RNF20: variants seen among roughly 807,000 people sequenced by gnomAD.
RNF20 encodes the protein E3 ubiquitin-protein ligase BRE1A.
In RNF20, 84 loss-of-function variants were observed where a neutral mutation model predicts 126.2. The observed-to-expected ratio is 0.67, with a 90% CI of 0.56 to 0.80. RNF20 has a LOEUF of 0.80. RNF20 is among the 30% of genes least tolerant of loss of function. The pLI is 0.00. For missense variants in RNF20, 869 were observed against 1,188.2 expected, an observed-to-expected ratio of 0.73 and a Z score of 3.95; for synonymous variants, 400 against 414.3, an observed-to-expected ratio of 0.97 and a Z score of 0.42.
chr9:101,559,491 A>G (rs1827593262), intron 16 of RNF20, among the ~76,000 whole-genome samples: 1 of 152,146 alleles, frequency 6.6e-6, no homozygotes, highest in East Asian at 1.9e-4. Flanking sequence ...TTTTGGCAGT[A>G]TGGTCATTTT....
At chr9:101,550,876 C>T (rs771080361) in intron 10 of RNF20, 91 bp downstream of exon 10, 3 of 1,138,592 alleles carry the variant, frequency 2.6e-6, no homozygotes, top group Non-Finnish European at 4.0e-6. Flanking sequence ...ATCTCTCATT[C>T]ATTCAGCTGT....
chr9:101,562,176 G>A, intron 19 of RNF20, 70 bp from the exon 20 acceptor site: 2 of 1,502,266 alleles, frequency 1.3e-6, no homozygotes, highest in Non-Finnish European at 1.8e-6. Flanking sequence ...TCTTGGTTGT[G>A]TAGTATATGA....
At chr9:101,550,943 A>C (rs1827435064) in intron 10 of RNF20, among the ~76,000 whole-genome samples, 158 bp downstream of exon 10, 1 of 152,206 alleles carries the variant, frequency 6.6e-6, no homozygotes, top group South Asian at 2.1e-4. Flanking sequence ...TATAAAGATG[A>C]GATGACAAAA....
At chr9:101,552,120 A>G (rs370467164) in intron 11 of RNF20, 21 bp from the exon 12 acceptor site, 7 of 1,613,690 alleles carry the variant, frequency 4.3e-6, no homozygotes, top group Non-Finnish European at 5.1e-6. Flanking sequence ...TCCTCATAAC[A>G]TTGTTGTTCC....
In RNF20 at chr9:101,535,410, C is replaced by G; in HGVS notation, c.-14C>G. The G allele has an allele frequency of 1.2e-6, 2 of 1,610,918 alleles. No homozygotes were observed. Among genetic ancestry groups the G allele is most frequent in the Non-Finnish European group, 1.7e-6 (2 of 1,179,064 alleles). On this transcript the variant is annotated 5_prime_UTR_variant, in exon 2 of 20. Transcript: ENST00000389120. The stretch of plus-strand genomic sequence containing the variant: ...TTTTTTCTATCAGGAAAACGACTGT[C>G]TTCTTCTGCCAAAATGTCAGGAATT...
chr9:101,537,763 G>A (rs1303356384), intron 2 of RNF20, among the ~76,000 whole-genome samples: 1 of 152,194 alleles, frequency 6.6e-6, no homozygotes, highest in Non-Finnish European at 1.5e-5. Context: ...TGCTGCTGAT[G>A]TGTTCTCATT....
intron 8 of RNF20, 31 bp from the exon 9 acceptor site, chr9:101,547,368 A>G (rs750306377): frequency 1.2e-6 from 2 of 1,613,008 alleles, no homozygotes; most frequent in South Asian, 2.2e-5. Flanking sequence ...AAGAATACTT[A>G]TTTATTCTCT....
intron 5 of RNF20, among the ~76,000 whole-genome samples, chr9:101,543,644 T>A (rs1453637689): frequency 1.3e-5 from 2 of 152,238 alleles, no homozygotes; most frequent in East Asian, 3.8e-4. Flanking sequence ...GTACTGTCTG[T>A]TTGTTTGGTC....
chr9:101,556,946 A>G (rs1252112787), intron 15 of RNF20, among the ~76,000 whole-genome samples: 1 of 152,188 alleles, frequency 6.6e-6, no homozygotes, highest in African/African-American at 2.4e-5. Context: ...TGAGATAGAT[A>G]TAAAGTAAAG....
rs1827243624 is a variant in RNF20 at position 101,540,479 on chromosome 9, C to A, written c.298-11C>A. 6.2e-7 allele frequency: 1 copy of A among 1,613,454 alleles called. No homozygotes were observed. Among genetic ancestry groups the A allele is most frequent in the Non-Finnish European group, 8.5e-7 (1 of 1,179,680 alleles). ...CTTTGTTTCTTCATAATTGTACCTA[C>A]CCTTCTCCAGTTTGATGAAAACATC... On this transcript the variant is annotated splice_polypyrimidine_tract_variant and intron_variant, in intron 3 of 19. Transcript: ENST00000389120.
At chr9:101,543,267 A>AC (rs1223323435) in intron 5 of RNF20, among the ~76,000 whole-genome samples, 82 of 151,256 alleles carry the variant, frequency 5.4e-4, no homozygotes, top group Non-Finnish European at 9.2e-4. Context: ...GCACTGTCTA[A>AC]CCTGCCACGG....
chr9:101,543,510 C>G (rs1325589983), intron 5 of RNF20, among the ~76,000 whole-genome samples: 1 of 121,500 alleles, frequency 8.2e-6, no homozygotes, highest in African/African-American at 3.2e-5. Context: ...CTAACCCTGC[C>G]ACTGCAGTAC....
rs1449385760 is a variant in RNF20 at position 101,540,208 on chromosome 9, A to C, written c.135A>C (p.Glu45Asp). 24 of 1,614,052 alleles carry C rather than the reference A, an allele frequency of 1.5e-5. No homozygotes were observed. The highest frequency in any genetic ancestry group is 1.9e-5 in the Non-Finnish European group (22 of 1,179,926). The change falls in exon 3 of 20, where the codon GAA becomes GAC. Residue 45 changes from glutamate to aspartate, a missense_variant. Around this residue, in one of 8 missense-constraint regions of RNF20, gnomAD observed 157 missense variants for 236.0 expected, o/e 0.67. Coordinates refer to ENST00000389120, the MANE Select transcript of RNF20 (RefSeq NM_019592.7). ...ACGATTGGTTTACTGGGCAGGAGGA[A>C]CTAGACATTAGAACACTGCAAACCA... ...IKLGGVSSTE[E>D]LDIRTLQTKN... is the part of the protein sequence containing the mutation.
In RNF20 at chr9:101,552,146, A is replaced by G. The variant is rs1311013015; in HGVS notation, c.1414A>G (p.Ile472Val). The G allele has an allele frequency of 3.1e-6, 5 of 1,614,088 alleles. No homozygotes were observed. The highest frequency in any genetic ancestry group is 2.7e-5 in the African/African-American group (2 of 75,028). The change falls in exon 12 of 20, where the codon ATA (isoleucine) becomes GTA (valine). Residue 472 changes from isoleucine (I) to valine (V), a missense_variant. By Grantham distance (29) the Ile-to-Val change is conservative. Transcript: ENST00000389120. ...TTGTTGTTCCTGTATTTAAGGCCCT[A>G]TAAACAGGGAGATGCGCCACCTCAT... The part of the protein sequence containing the change: ...TLAANEQAGP[I>V]NREMRHLISS...
At position 101,554,742 on chromosome 9, in the gene RNF20, A is replaced by C; in HGVS notation, c.2068A>C (p.Lys690Gln). Residue 690 changes from lysine to glutamine, a missense_variant, in exon 15 of 20, where the codon AAA becomes CAA. This residue lies in a region of RNF20 where 231 missense variants were observed against 263.6 expected (regional missense o/e 0.88). Coordinates refer to ENST00000389120, the MANE Select transcript of RNF20 (RefSeq NM_019592.7). The part of the protein sequence containing the change: ...RLKDLEDKEK[K>Q]ENKKMADEDA... ...CAAGGATCTGGAAGATAAAGAGAAGAAAGAGAACAAGAAAATGGCTGATGA... is the reference window on the plus strand; with the variant it reads ...CAAGGATCTGGAAGATAAAGAGAAGCAAGAGAACAAGAAAATGGCTGATGA... 2.5e-6 allele frequency: 4 copies of C among 1,609,776 alleles called. No individual in the cohort carries two copies. The highest frequency in any genetic ancestry group is 2.5e-6 in the Non-Finnish European group (3 of 1,177,246).
intron 16 of RNF20, among the ~76,000 whole-genome samples, chr9:101,559,174 GT>G (rs1177586489): frequency 1.3e-5 from 2 of 151,996 alleles, no homozygotes; most frequent in African/African-American, 4.8e-5. Context: ...CCCACTTTAT[GT>G]TTTTGTTTGG....
chr9:101,562,702 G>C lies in RNF20; in HGVS notation c.*280G>C, dbSNP rs778646023. On this transcript the variant is annotated 3_prime_UTR_variant, in exon 20 of 20. Transcript: ENST00000389120. ...TTATTTTGTGCTTTTAGACTTTTCA[G>C]TGTTTTCTTTTTCCAGCCCACTGTA... 1 of 281,534 alleles carries C rather than the reference G, an allele frequency of 3.6e-6. No homozygotes were observed. The highest frequency in any genetic ancestry group is 6.4e-5 in the East Asian group (1 of 15,642). The allele number at this position is 281,534 out of a possible 1,614,324, so 17.4% of individuals were successfully genotyped here. A position where few individuals can be genotyped will look rare whatever the true frequency, so the allele number is the denominator to read the frequency against.
chr9:101,555,005 ATCTT>A (rs374198852), intron 15 of RNF20, among the ~76,000 whole-genome samples, 162 bp downstream of exon 15: 59 of 151,944 alleles, frequency 3.9e-4, no homozygotes, highest in African/African-American at 1.4e-3. Flanking sequence ...CAAGTCTTTT[ATCTT>A]TCTGTTATTT....
intron 5 of RNF20, among the ~76,000 whole-genome samples, chr9:101,543,422 G>T (rs1827289206): frequency 6.6e-6 from 1 of 150,838 alleles, no homozygotes; most frequent in African/African-American, 2.4e-5. Flanking sequence ...TGCCAGAGCG[G>T]CACTGTCTAA....
Sources: gnomAD v4.1 joint callset for allele counts (sites outside exome capture counted in the v4.1 genomes callset) on GRCh38, gnomAD v4.1.1 for gene constraint, gnomAD v4.1.1 regional missense constraint, MANE v1.5 for transcripts, NCBI Gene and HGNC (gene_info 2026-07-23, HGNC 2026-07-21) for gene names.